ROBO1: variants seen among roughly 807,000 people sequenced by gnomAD.
ROBO1 encodes the protein roundabout homolog 1.
In ROBO1, 149 loss-of-function variants were observed where a neutral mutation model predicts 195.9. The ratio of observed to expected loss-of-function variants is 0.76; its 90% CI spans 0.67 to 0.87. The LOEUF (loss-of-function observed/expected upper bound fraction) is 0.87, where lower values mean the gene tolerates loss of function less well. ROBO1 is among the 40% of genes least tolerant of loss of function. The pLI is 0.00. For missense variants in ROBO1, 1,933 were observed against 2,068.3 expected (o/e 0.93, Z 1.27); for synonymous variants, 816 against 733.2 (o/e 1.11, Z -1.82).
At chr3:79,311,337 T>TA (rs1466298005) in intron 2 of ROBO1, among the ~76,000 whole-genome samples, 1 of 152,296 alleles carries the variant, frequency 6.6e-6, no homozygotes, top group East Asian at 1.9e-4. Flanking sequence ...ATCATAATAC[T>TA]AAAAAGTACG....
At chr3:79,274,977 T>C (rs183845278) in intron 2 of ROBO1, among the ~76,000 whole-genome samples, 2 of 152,090 alleles carry the variant, frequency 1.3e-5, no homozygotes, top group Non-Finnish European at 1.5e-5. Flanking sequence ...AGTACTGAGA[T>C]TGAAGCTATA....
chr3:79,047,893 G>A (rs1172007320), intron 3 of ROBO1, among the ~76,000 whole-genome samples: 1 of 152,090 alleles, frequency 6.6e-6, no homozygotes, highest in Non-Finnish European at 1.5e-5. Flanking sequence ...TCTGTCCCAT[G>A]AGCAGAACTA....
intron 4 of ROBO1, among the ~76,000 whole-genome samples, chr3:78,933,260 G>C (rs2039629795): frequency 6.6e-6 from 1 of 152,022 alleles, no homozygotes; most frequent in South Asian, 2.1e-4. Flanking sequence ...CTGCCCATTA[G>C]CACTGAAATC....
At chr3:79,308,449 C>G (rs952031312) in intron 2 of ROBO1, among the ~76,000 whole-genome samples, 1 of 152,172 alleles carries the variant, frequency 6.6e-6, no homozygotes, top group Non-Finnish European at 1.5e-5. Flanking sequence ...AAGACTTTCA[C>G]TTTACATTTC....
intron 2 of ROBO1, among the ~76,000 whole-genome samples, chr3:79,345,758 A>G (rs2035087301): frequency 6.6e-6 from 1 of 152,134 alleles, no homozygotes; most frequent in Non-Finnish European, 1.5e-5. Context: ...ACCCTGCCAT[A>G]CATTCCAGGG....
chr3:78,736,168 GAAATA>G (rs748121105), intron 5 of ROBO1, among the ~76,000 whole-genome samples: 1 of 152,036 alleles, frequency 6.6e-6, no homozygotes, highest in Non-Finnish European at 1.5e-5. Context: ...ATTGTATGTG[GAAATA>G]AAATTAACAA....
At position 79,537,511 on chromosome 3, in the gene ROBO1, T is replaced by C. The variant is rs78130519; in HGVS notation, c.88+52313A>G. Among the ~76,000 whole-genome samples, 532 of 152,258 alleles carry C rather than the reference T, an allele frequency of 3.5e-3. 4 individuals are homozygous for C. Among genetic ancestry groups the C allele is most frequent in the African/African-American group, 0.012 (488 of 41,558 alleles). On this transcript the variant is annotated intron_variant, in intron 2 of 30. Transcript: ENST00000464233. ...CTATGGGCAGCTCTGTCGGGACTAA[T>C]TCCACTTCCTGTCCATCTTCAAAAT... is the stretch of plus-strand genomic sequence containing the variant.
intron 16 of ROBO1, chr3:78,660,412 G>A (rs1341695013): frequency 2.6e-5 from 4 of 152,178 alleles, no homozygotes; most frequent in Admixed American, 2.0e-4. Context: ...GTTCTCCCCC[G>A]AAATGTTCAA....
chr3:79,639,889 G>C (rs1276628071), intron 1 of ROBO1, among the ~76,000 whole-genome samples: 1 of 152,102 alleles, frequency 6.6e-6, no homozygotes, highest in Non-Finnish European at 1.5e-5. Context: ...GTCACCCATA[G>C]TTTCAGATGT....
At chr3:78,927,284 C>T (rs912449448) in intron 4 of ROBO1, among the ~76,000 whole-genome samples, 10 of 152,220 alleles carry the variant, frequency 6.6e-5, no homozygotes, top group African/African-American at 2.4e-4. Context: ...TCTATTCTTA[C>T]TCTTACATTC....
At chr3:78,883,830 T>C (rs2107282860) in intron 4 of ROBO1, among the ~76,000 whole-genome samples, 1 of 152,202 alleles carries the variant, frequency 6.6e-6, no homozygotes, top group East Asian at 1.9e-4. Flanking sequence ...ATTTGTAGAG[T>C]TTAGATCTAG....
At chr3:79,458,705 T>C (rs2039699322) in intron 2 of ROBO1, among the ~76,000 whole-genome samples, 2 of 151,088 alleles carry the variant, frequency 1.3e-5, no homozygotes, top group Admixed American at 6.6e-5. Flanking sequence ...TGATTTTCCA[T>C]AGGAAAAAAA....
chr3:79,653,416 C>T (rs938218444), intron 1 of ROBO1, among the ~76,000 whole-genome samples: 1 of 152,028 alleles, frequency 6.6e-6, no homozygotes, highest in South Asian at 2.1e-4. Flanking sequence ...TCTCATATTT[C>T]ACTGCCTTTT....
intron 1 of ROBO1, among the ~76,000 whole-genome samples, chr3:79,710,206 G>A (rs1368885997): frequency 6.6e-6 from 1 of 152,114 alleles, no homozygotes; most frequent in Non-Finnish European, 1.5e-5. Context: ...GAAGCTCAAA[G>A]ACATAATGGC....
chr3:78,623,375 T>C (rs1179593970), intron 26 of ROBO1, among the ~76,000 whole-genome samples: 1 of 151,984 alleles, frequency 6.6e-6, no homozygotes, highest in African/African-American at 2.4e-5. Flanking sequence ...TGTGCAAAGA[T>C]ATTGAGGTGA....
At chr3:79,657,472 G>A (rs150933071) in intron 1 of ROBO1, among the ~76,000 whole-genome samples, 28 of 151,940 alleles carry the variant, frequency 1.8e-4, no homozygotes, top group African/African-American at 6.7e-4. Context: ...TTTCCAAATT[G>A]GAGAAAAAAG....
chr3:78,999,648 C>A (rs1409740708), intron 3 of ROBO1, among the ~76,000 whole-genome samples: 4 of 152,030 alleles, frequency 2.6e-5, no homozygotes, highest in African/African-American at 7.2e-5. Context: ...CTGCATCGTG[C>A]AATATACCTT....
intron 1 of ROBO1, among the ~76,000 whole-genome samples, chr3:79,729,888 T>A (rs535936414): frequency 6.6e-6 from 1 of 152,318 alleles, no homozygotes; most frequent in Admixed American, 6.5e-5. Flanking sequence ...GTGATTGAAA[T>A]TAATAAAGTG....
At chr3:78,831,924 C>T (rs2032254874) in intron 4 of ROBO1, among the ~76,000 whole-genome samples, 1 of 152,126 alleles carries the variant, frequency 6.6e-6, no homozygotes, top group South Asian at 2.1e-4. Flanking sequence ...TCAATTATCT[C>T]CCACTGGGTC....
Sources: gnomAD v4.1 joint callset for allele counts (sites outside exome capture counted in the v4.1 genomes callset) on GRCh38, gnomAD v4.1.1 for gene constraint, MANE v1.5 for transcripts, NCBI Gene and HGNC (gene_info 2026-07-23, HGNC 2026-07-21) for gene names.